The following CPVL variants were observed in gnomAD, a reference collection of about 807,000 sequenced individuals.
The protein encoded by CPVL is carboxypeptidase vitellogenic like.
In CPVL, 51 loss-of-function variants were observed where a neutral mutation model predicts 63.7. The observed-to-expected ratio is 0.80, with a 90% CI of 0.64 to 1.01. CPVL has a LOEUF of 1.01. Ranked by LOEUF, CPVL falls within the 50% of genes least tolerant of loss-of-function variation. The pLI is 0.00. For synonymous variants in CPVL, 195 were observed against 206.0 expected, an observed-to-expected ratio of 0.95 and a Z score of 0.46; for missense variants, 530 against 573.1, an observed-to-expected ratio of 0.92 and a Z score of 0.77.
chr7:29,184,151 T>TGATAGATA (rs56102038), intron 4 of CPVL, among the ~76,000 whole-genome samples: 7,649 of 143,296 alleles, frequency 0.053, 235 homozygotes, highest in Middle Eastern at 0.067. Context: ...TACAGATAGA[T>TGATAGATA]GATAGATAGA....
chr7:29,129,476 C>T (rs1584349845), intron 1 of CPVL, among the ~76,000 whole-genome samples: 1 of 146,484 alleles, frequency 6.8e-6, no homozygotes, highest in Non-Finnish European at 1.5e-5. Context: ...TTTGCCATTA[C>T]TTTTTTTTTT....
chr7:29,014,173 G>A (rs1423319446), intron 12 of CPVL, among the ~76,000 whole-genome samples: 1 of 152,180 alleles, frequency 6.6e-6, no homozygotes, highest in Non-Finnish European at 1.5e-5. Flanking sequence ...CCCACAGTCA[G>A]ATTTCCATAA....
chr7:28,994,760 A>T (rs1783925048), downstream of CPVL, among the ~76,000 whole-genome samples: 1 of 152,236 alleles, frequency 6.6e-6, no homozygotes, highest in African/African-American at 2.4e-5. Flanking sequence ...TAAACTCCAT[A>T]AACTATTTGC....
At chr7:29,166,472 CGTTT>C (rs138471755) in intron 5 of CPVL, among the ~76,000 whole-genome samples, 4,525 of 151,930 alleles carry the variant, frequency 0.03, 244 homozygotes, top group African/African-American at 0.1. Flanking sequence ...TTTGTTTGTT[CGTTT>C]GTTTGTTTTA....
At chr7:29,150,660 A>G (rs996659110), upstream of CPVL, among the ~76,000 whole-genome samples, 1 of 152,204 alleles carries the variant, frequency 6.6e-6, no homozygotes, top group African/African-American at 2.4e-5. Context: ...TGGAGCTGCA[A>G]TGGAAACAAG....
intron 12 of CPVL, among the ~76,000 whole-genome samples, chr7:29,015,354 A>G (rs957215036): frequency 2.0e-5 from 3 of 152,064 alleles, no homozygotes; most frequent in Non-Finnish European, 2.9e-5. Flanking sequence ...GTAATCCCCA[A>G]TTTGGAGGTG....
chr7:29,087,382 C>T (rs1785316253), intron 6 of CPVL, among the ~76,000 whole-genome samples: 1 of 146,898 alleles, frequency 6.8e-6, no homozygotes, highest in Non-Finnish European at 1.5e-5. Flanking sequence ...TGAGATTGCG[C>T]CATTGCACTC....
At chr7:29,163,746 A>G (rs1421691750) in intron 5 of CPVL, among the ~76,000 whole-genome samples, 1 of 152,182 alleles carries the variant, frequency 6.6e-6, no homozygotes, top group Non-Finnish European at 1.5e-5. Flanking sequence ...CCATTACTAT[A>G]GATTAGCTTG....
chr7:29,192,374 G>GGGAGAAAGTAAAAAAAA (rs1284427892), intron 1 of CPVL: 7 of 152,208 alleles, frequency 4.6e-5, no homozygotes, highest in Non-Finnish European at 1.0e-4. Context: ...AAAACACTAT[G>GGGAGAAAGTAAAAAAAA]AAGGGAAATA....
intron 3 of CPVL, among the ~76,000 whole-genome samples, chr7:29,110,589 G>A (rs1788141071): frequency 6.6e-6 from 1 of 152,192 alleles, no homozygotes; most frequent in Admixed American, 6.5e-5. Context: ...AATAACATGT[G>A]AGAATCCCTG....
intron 12 of CPVL, among the ~76,000 whole-genome samples, chr7:29,020,246 G>A (rs1320248556): frequency 6.6e-6 from 1 of 152,172 alleles, no homozygotes; most frequent in Non-Finnish European, 1.5e-5. Flanking sequence ...TAATCTTGAG[G>A]AGATCGTGTG....
intron 2 of CPVL, among the ~76,000 whole-genome samples, chr7:29,115,291 TG>T (rs1214346164): frequency 3.9e-5 from 6 of 152,344 alleles, no homozygotes; most frequent in Non-Finnish European, 7.3e-5. Flanking sequence ...TGGCTCAGCC[TG>T]GTTCTCCCAG....
intron 7 of CPVL, among the ~76,000 whole-genome samples, chr7:29,073,257 C>T (rs317718): frequency 0.42 from 64,445 of 152,002 alleles, 15,326 homozygotes; most frequent in Non-Finnish European, 0.52. Flanking sequence ...TTATATCTCT[C>T]TTTGTCTCGT....
chr7:29,032,398 A>C (rs910172019), intron 11 of CPVL, among the ~76,000 whole-genome samples: 2 of 152,170 alleles, frequency 1.3e-5, no homozygotes, highest in Non-Finnish European at 2.9e-5. Context: ...AACCCACAGG[A>C]AAATCCTGAT....
At chr7:29,056,727 G>C (rs2063733672) in intron 11 of CPVL, among the ~76,000 whole-genome samples, 1 of 152,272 alleles carries the variant, frequency 6.6e-6, no homozygotes, top group Middle Eastern at 3.4e-3. Context: ...TATGGTAAGA[G>C]TATATTAAAT....
intron 11 of CPVL, among the ~76,000 whole-genome samples, chr7:29,040,038 T>C (rs1179896183): frequency 1.3e-5 from 2 of 152,110 alleles, no homozygotes; most frequent in African/African-American, 4.8e-5. Context: ...TTGGCCTCTA[T>C]CTGTCTTAGT....
At position 29,166,118 on chromosome 7, in the gene CPVL, T is replaced by A. The variant is rs546750839; in HGVS notation, c.-11+15172A>T. ...CAATATCAGCTCACTGTAGCCTTGA[T>A]TTCCTGGGCTCAAGTGACCCTCCTG... On this transcript the variant is annotated intron_variant, in intron 5 of 16. Transcript: ENST00000409850. 1.0e-3 allele frequency among the ~76,000 whole-genome samples: 153 copies of A among 152,200 alleles called. 6 individuals carry two copies. The South Asian group carries it at 0.028, about 28-fold the overall frequency.
In CPVL at chr7:29,094,814, C is replaced by A. The variant is rs1026755464; in HGVS notation, c.462+270G>T. Reference sequence around the variant, plus strand: ...GGGAGGCGGAGGTTGCAGTGAGCTGCCAGCCTGGGCGACAGAGCGAGACTC... The same window carrying A: ...GGGAGGCGGAGGTTGCAGTGAGCTGACAGCCTGGGCGACAGAGCGAGACTC... On this transcript the variant is annotated intron_variant, in intron 5 of 12. Coordinates refer to ENST00000265394, the MANE Select transcript of CPVL (RefSeq NM_031311.5). 2.0e-5 allele frequency among the ~76,000 whole-genome samples: 3 copies of A among 151,576 alleles called. No homozygotes were observed. The South Asian group carries it at 6.3e-4, about 32-fold the overall frequency.
intron 11 of CPVL, among the ~76,000 whole-genome samples, chr7:29,037,552 C>CATAAAA (rs1788660887): frequency 1.8e-5 from 1 of 56,374 alleles, no homozygotes. Context: ...GACTCCATCT[C>CATAAAA]AAAAAAAAAA....
Sources: gnomAD v4.1 joint callset for allele counts (sites outside exome capture counted in the v4.1 genomes callset) on GRCh38, gnomAD v4.1.1 for gene constraint, MANE v1.5 for transcripts, NCBI Gene and HGNC (gene_info 2026-07-23, HGNC 2026-07-21) for gene names.